Variants in TFEC observed in about 807,000 individuals in gnomAD.
TFEC encodes the protein transcription factor EC.
In TFEC, 31 loss-of-function variants were observed where a neutral mutation model predicts 41.6. The ratio of observed to expected loss-of-function variants is 0.74; its 90% CI spans 0.56 to 1.01. The LOEUF is 1.01. TFEC is among the 50% of genes least tolerant of loss of function. The probability of loss-of-function intolerance (pLI) is 0.00; values close to 1 mark genes in which losing one functional copy is unlikely to be tolerated. For missense variants in TFEC, 402 were observed against 404.1 expected, an observed-to-expected ratio of 0.99 and a Z score of 0.04; for synonymous variants, 143 against 140.6, an observed-to-expected ratio of 1.02 and a Z score of -0.12.
intron 6 of TFEC, among the ~76,000 whole-genome samples, chr7:115,947,866 A>G (rs913067490): frequency 2.0e-5 from 3 of 152,104 alleles, no homozygotes; most frequent in Non-Finnish European, 4.4e-5. Flanking sequence ...ACTGAAGGAA[A>G]TAGAGACACA....
chr7:116,070,075 G>A (rs549453038), intron 3 of TFEC, among the ~76,000 whole-genome samples: 3 of 151,214 alleles, frequency 2.0e-5, no homozygotes, highest in South Asian at 4.2e-4. Flanking sequence ...GTGCATTTAT[G>A]TCTTTACATA....
Position 116,061,962 on chromosome 7 carries a change from A to G in TFEC, c.198+48746T>C, listed in dbSNP as rs373828895. On this transcript the variant is annotated intron_variant, in intron 3 of 8. Transcript: ENST00000484212. ...ATTCTAAGTGTTAATAAGGTTGTGA[A>G]GGAACTTGAACTCTCATACTCTGCT... 6.6e-5 allele frequency among the ~76,000 whole-genome samples: 10 copies of G among 152,106 alleles called. No individual in the cohort carries two copies. In the East Asian group the frequency reaches 1.7e-3, roughly 26 times the overall value.
chr7:116,066,111 T>C (rs1796689016), intron 3 of TFEC, among the ~76,000 whole-genome samples: 1 of 152,204 alleles, frequency 6.6e-6, no homozygotes, highest in South Asian at 2.1e-4. Flanking sequence ...GCCCTGCTTA[T>C]AGCCTAATGG....
chr7:115,963,788 T>A (rs1398673328), intron 3 of TFEC, among the ~76,000 whole-genome samples: 1 of 151,716 alleles, frequency 6.6e-6, no homozygotes, highest in East Asian at 1.9e-4. Context: ...TATTGTTTAA[T>A]GAGTACAGAG....
chr7:116,022,432 A>G (rs1324906203), intron 1 of TFEC, among the ~76,000 whole-genome samples: 1 of 152,218 alleles, frequency 6.6e-6, no homozygotes, highest in Non-Finnish European at 1.5e-5. Flanking sequence ...TAGCCCACCT[A>G]GTTTCAAACC....
At chr7:115,954,506 G>C (rs1305423946) in intron 5 of TFEC, 80 bp downstream of exon 5, 4 of 1,140,772 alleles carry the variant, frequency 3.5e-6, no homozygotes, top group Non-Finnish European at 3.7e-6. Context: ...AATACTTATG[G>C]AGTATAATAA....
At chr7:116,131,255 C>G (rs528696989) in intron 1 of TFEC, among the ~76,000 whole-genome samples, 99 of 152,236 alleles carry the variant, frequency 6.5e-4, no homozygotes, top group Middle Eastern at 3.4e-3. Context: ...CATCCATATG[C>G]TCATGGAAAT....
rs977079855 is a variant in TFEC, at chr7:116,062,737, A to AAT, written c.198+47969_198+47970dup. Among the ~76,000 whole-genome samples, 77 of 151,736 alleles carry AAT rather than the reference A, an allele frequency of 5.1e-4. No homozygotes were observed. The Middle Eastern group carries it at 0.01, about 20-fold the overall frequency. Reference sequence around the variant, plus strand: ...CTTCTTTTCCTCTGGGTAGACACCTAATAGTGGGATTGCTGGATCAAATGA... The same window carrying AAT: ...CTTCTTTTCCTCTGGGTAGACACCTAATATAGTGGGATTGCTGGATCAAATGA... On this transcript the variant is annotated intron_variant, in intron 3 of 8. Coordinates refer to the TFEC transcript ENST00000484212.
At chr7:115,990,246 A>G (rs913147526) in intron 1 of TFEC, among the ~76,000 whole-genome samples, 4 of 152,308 alleles carry the variant, frequency 2.6e-5, no homozygotes, top group African/African-American at 7.2e-5. Context: ...ATCAAAGACA[A>G]AAGGTAGATG....
intron 6 of TFEC, among the ~76,000 whole-genome samples, chr7:115,945,179 A>G (rs1254886207): frequency 1.3e-5 from 2 of 148,584 alleles, no homozygotes; most frequent in Non-Finnish European, 3.0e-5. Context: ...TAATTTCCTC[A>G]TTGTCATAAC....
At chr7:115,943,961 AT>A (rs1204671360) in intron 6 of TFEC, among the ~76,000 whole-genome samples, 9 of 146,310 alleles carry the variant, frequency 6.2e-5, no homozygotes, top group South Asian at 2.2e-4. Flanking sequence ...TTAAAAAATA[AT>A]TTTAAAAAAA....
chr7:115,945,456 C>T (rs1435189496), intron 6 of TFEC, among the ~76,000 whole-genome samples: 1 of 151,368 alleles, frequency 6.6e-6, no homozygotes, highest in Non-Finnish European at 1.5e-5. Context: ...ATTGCTAAAC[C>T]CTAAAGAGGG....
At chr7:115,964,112 A>T (rs776390965) in intron 3 of TFEC, among the ~76,000 whole-genome samples, 5 of 151,606 alleles carry the variant, frequency 3.3e-5, no homozygotes, top group Non-Finnish European at 7.4e-5. Flanking sequence ...CTCACGGTTG[A>T]CAAAAATTTG....
intron 2 of TFEC, among the ~76,000 whole-genome samples, chr7:115,978,425 T>C (rs1033298403): frequency 4.6e-5 from 7 of 152,182 alleles, no homozygotes; most frequent in African/African-American, 2.4e-5. Context: ...GTTCAGCACA[T>C]AAACCTAAAA....
intron 5 of TFEC, among the ~76,000 whole-genome samples, chr7:115,953,044 G>T (rs1186615924): frequency 6.6e-6 from 1 of 152,050 alleles, no homozygotes; most frequent in Non-Finnish European, 1.5e-5. Context: ...GCTCACTGGG[G>T]GCCCCAGTTC....
chr7:116,016,120 G>A (rs1795181360), intron 1 of TFEC, among the ~76,000 whole-genome samples: 1 of 152,178 alleles, frequency 6.6e-6, no homozygotes, highest in African/African-American at 2.4e-5. Context: ...CAAAGCTAAT[G>A]TAGGATAGAG....
At position 115,936,131 on chromosome 7, in the gene TFEC, A is replaced by G. The variant is rs1205530546; in HGVS notation, c.*4420T>C. 1 of 151,638 alleles carries G rather than the reference A, an allele frequency of 6.6e-6. No individual in the cohort carries two copies. 9.4% of individuals were successfully genotyped at this position (151,638 alleles called of 1,614,324 possible). The stretch of plus-strand genomic sequence containing the variant: ...TTTCCTTGTTTTCAAATTAAAATTC[A>G]TACAAACAATAAAACATTGGAACAT... On this transcript the variant is annotated 3_prime_UTR_variant, in exon 8 of 8. Transcript: ENST00000265440.
chr7:115,987,967 TGAA>T (rs1311640580), intron 1 of TFEC, among the ~76,000 whole-genome samples: 2 of 152,258 alleles, frequency 1.3e-5, no homozygotes, highest in African/African-American at 4.8e-5. Flanking sequence ...ACCATCAAAA[TGAA>T]GAGAAATTTT....
chr7:116,106,184 C>T (rs1039055662), intron 3 of TFEC, among the ~76,000 whole-genome samples: 1 of 152,076 alleles, frequency 6.6e-6, no homozygotes, highest in Non-Finnish European at 1.5e-5. Flanking sequence ...ACTCTAAAAA[C>T]TGTCTAATTT....
Sources: allele counts gnomAD v4.1 joint callset (sites outside exome capture counted in the v4.1 genomes callset), GRCh38; gene constraint gnomAD v4.1.1; transcripts MANE v1.5; gene names NCBI Gene and HGNC (gene_info 2026-07-23, HGNC 2026-07-21).